Variants in HS3ST3A1 observed in about 807,000 individuals in gnomAD.
HS3ST3A1 encodes heparan sulfate-glucosamine 3-sulfotransferase 3A1, also known as heparan sulfate glucosamine 3-O-sulfotransferase 3A1.
HS3ST3A1 carries 19 observed loss-of-function variants against 25.7 expected under a neutral mutation model. That is an observed-to-expected ratio of 0.74 (90% CI 0.52 to 1.08). The LOEUF (loss-of-function observed/expected upper bound fraction) is 1.08. Ranked by LOEUF, HS3ST3A1 falls within the 50% of genes least tolerant of loss-of-function variation. HS3ST3A1 has a pLI of 0.00. For synonymous variants in HS3ST3A1, 226 were observed against 278.6 expected (o/e 0.81, Z 1.88); for missense variants, 459 against 594.3 (o/e 0.77, Z 2.37).
At chr17:13,595,852 TG>T (rs55914300) in intron 1 of HS3ST3A1, among the ~76,000 whole-genome samples, 3 of 34,002 alleles carry the variant, frequency 8.8e-5, no homozygotes, top group African/African-American at 3.1e-4. Flanking sequence ...TTTTGGTTGT[TG>T]TTGTTGTTGT....
At chr17:13,519,049 A>G (rs542665071) in intron 1 of HS3ST3A1, among the ~76,000 whole-genome samples, 84 of 152,394 alleles carry the variant, frequency 5.5e-4, no homozygotes, top group African/African-American at 1.7e-3. Context: ...GGACAGATAC[A>G]TAACAAATTA....
At chr17:13,504,752 T>C (rs1905603012) in intron 1 of HS3ST3A1, among the ~76,000 whole-genome samples, 2 of 152,226 alleles carry the variant, frequency 1.3e-5, no homozygotes, top group East Asian at 1.9e-4. Flanking sequence ...TTCCAATTTC[T>C]GTAAATTCAG....
Position 13,516,317 on chromosome 17 carries a change from T to A in HS3ST3A1, c.600-19499A>T, listed in dbSNP as rs984236282. Among the ~76,000 whole-genome samples, 13 of 151,658 alleles carry A rather than the reference T, an allele frequency of 8.6e-5. No individual in the cohort carries two copies. The South Asian group carries it at 1.5e-3, about 17-fold the overall frequency. On this transcript the variant is annotated intron_variant, in intron 1 of 1. Transcript: ENST00000284110. ...AGCGCAAGACTCTGTCTCAAAAAAA[T>A]AAAAAAATAAATAAATAAATAAAAG...
At chr17:13,579,591 C>T (rs1394102383) in intron 1 of HS3ST3A1, among the ~76,000 whole-genome samples, 1 of 146,490 alleles carries the variant, frequency 6.8e-6, no homozygotes, top group Admixed American at 7.0e-5. Flanking sequence ...ATCCCAGCTA[C>T]TTGGGAGGCT....
chr17:13,596,850 C>T (rs1396219472), intron 1 of HS3ST3A1, among the ~76,000 whole-genome samples: 2 of 152,042 alleles, frequency 1.3e-5, no homozygotes, highest in Non-Finnish European at 2.9e-5. Flanking sequence ...CCAGCTGCTA[C>T]GAAATGCCAA....
intron 1 of HS3ST3A1, among the ~76,000 whole-genome samples, chr17:13,550,734 C>T (rs961732383): frequency 6.6e-6 from 1 of 151,884 alleles, no homozygotes; most frequent in East Asian, 1.9e-4. Flanking sequence ...ACAACAACAA[C>T]AAAACAGATA....
chr17:13,586,902 T>C (rs1431599429), intron 1 of HS3ST3A1, among the ~76,000 whole-genome samples: 2 of 121,646 alleles, frequency 1.6e-5, no homozygotes, highest in African/African-American at 7.0e-5. Flanking sequence ...AAAAAAGGCA[T>C]ACTAGATTTT....
intron 1 of HS3ST3A1, among the ~76,000 whole-genome samples, chr17:13,562,921 A>C (rs1395408499): frequency 6.6e-6 from 1 of 151,964 alleles, no homozygotes. Flanking sequence ...CTTCTTTTAC[A>C]AGGGGATTGT....
intron 1 of HS3ST3A1, among the ~76,000 whole-genome samples, chr17:13,585,877 T>C (rs1279698102): frequency 7.8e-6 from 1 of 127,730 alleles, no homozygotes; most frequent in East Asian, 2.5e-4. Context: ...TCTGACAGAG[T>C]CTCGCTCTGT....
chr17:13,551,335 G>A (rs932582004), intron 1 of HS3ST3A1, among the ~76,000 whole-genome samples: 8 of 149,484 alleles, frequency 5.4e-5, no homozygotes, highest in African/African-American at 1.5e-4. Context: ...GCGACACGGA[G>A]AGACTCCATC....
intron 1 of HS3ST3A1, among the ~76,000 whole-genome samples, chr17:13,532,633 AG>A (rs1906637431): frequency 6.6e-6 from 1 of 152,078 alleles, no homozygotes; most frequent in Non-Finnish European, 1.5e-5. Context: ...GGAGTTTACG[AG>A]AGAGTCGCTC....
intron 1 of HS3ST3A1, among the ~76,000 whole-genome samples, chr17:13,565,179 C>A (rs1275266828): frequency 6.6e-6 from 1 of 151,946 alleles, no homozygotes. Flanking sequence ...TCAATTTTTG[C>A]ATGGTAGCTA....
At chr17:13,526,051 A>G (rs990392608) in intron 1 of HS3ST3A1, among the ~76,000 whole-genome samples, 2 of 151,836 alleles carry the variant, frequency 1.3e-5, no homozygotes, top group Non-Finnish European at 2.9e-5. Flanking sequence ...CCAGGCACCA[A>G]CCTTGCCATC....
chr17:13,515,536 A>G (rs1182770976), intron 1 of HS3ST3A1, among the ~76,000 whole-genome samples: 1 of 88,250 alleles, frequency 1.1e-5, no homozygotes, highest in African/African-American at 4.6e-5. Context: ...CGATTTGTTT[A>G]TCCATTTAAC....
intron 1 of HS3ST3A1, among the ~76,000 whole-genome samples, chr17:13,557,912 T>C (rs1907425600): frequency 6.6e-6 from 1 of 152,254 alleles, no homozygotes; most frequent in South Asian, 2.1e-4. Context: ...TGCTGTGTCC[T>C]GGTAAACGTT....
At chr17:13,534,323 G>A (rs962857638) in intron 1 of HS3ST3A1, among the ~76,000 whole-genome samples, 2 of 151,990 alleles carry the variant, frequency 1.3e-5, no homozygotes, top group African/African-American at 4.8e-5. Context: ...ACCTTTTATT[G>A]TACTTTGCCT....
In HS3ST3A1 at chr17:13,561,910, C is replaced by T. The variant is rs73296157; in HGVS notation, c.599+38621G>A. Among the ~76,000 whole-genome samples, 1,459 of 151,954 alleles carry T rather than the reference C, an allele frequency of 9.6e-3. 23 individuals carry two copies. The highest frequency in any genetic ancestry group is 0.031 in the African/African-American group (1,276 of 41,412). On this transcript the variant is annotated intron_variant, in intron 1 of 1. Coordinates refer to ENST00000284110, the MANE Select transcript of HS3ST3A1 (RefSeq NM_006042.3). ...AAGGGCAAAAAGAGAGTGTAGGGTA[C>T]GGATCTGTGTGGTGCTGAAGGCGGC...
At chr17:13,528,911 T>C (rs35514007) in intron 1 of HS3ST3A1, among the ~76,000 whole-genome samples, 5 of 148,092 alleles carry the variant, frequency 3.4e-5, no homozygotes, top group Admixed American at 2.8e-4. Context: ...CATGGAACCA[T>C]GTGGACGTGT....
chr17:13,575,373 A>T (rs1907925207), intron 1 of HS3ST3A1, among the ~76,000 whole-genome samples: 1 of 152,216 alleles, frequency 6.6e-6, no homozygotes, highest in East Asian at 1.9e-4. Flanking sequence ...TTCATAAGAC[A>T]TTGCAAATGA....
Sources: allele counts gnomAD v4.1 joint callset (sites outside exome capture counted in the v4.1 genomes callset), GRCh38; gene constraint gnomAD v4.1.1; transcripts MANE v1.5; gene names NCBI Gene and HGNC (gene_info 2026-07-23, HGNC 2026-07-21).